The following MAP3K13 variants were observed in gnomAD, a reference collection of about 807,000 sequenced individuals.
MAP3K13 encodes mitogen-activated protein kinase kinase kinase 13, also known as leucine zipper-bearing kinase.
A neutral mutation model predicts 104.0 loss-of-function variants in MAP3K13; 52 were observed. The observed-to-expected ratio is 0.50, with a 90% CI of 0.40 to 0.63. The LOEUF is 0.63. Among genes scored for constraint, MAP3K13 ranks in the 20% least tolerant of loss-of-function variants. The probability of loss-of-function intolerance (pLI) is 0.00; values close to 1 mark genes in which losing one functional copy is unlikely to be tolerated. For synonymous variants in MAP3K13, 394 were observed against 442.2 expected (o/e 0.89, Z 1.37); for missense variants, 914 against 1,218.5 (o/e 0.75, Z 3.72).
chr3:185,454,584 T>C (rs1409701000), intron 7 of MAP3K13, among the ~76,000 whole-genome samples: 2 of 111,052 alleles, frequency 1.8e-5, no homozygotes, highest in Non-Finnish European at 3.4e-5. Context: ...GATATATATA[T>C]GATATATAGA....
chr3:185,460,279 A>G (rs1206968513), intron 7 of MAP3K13, among the ~76,000 whole-genome samples: 1 of 152,156 alleles, frequency 6.6e-6, no homozygotes, highest in African/African-American at 2.4e-5. Flanking sequence ...TGTCTCTTCT[A>G]TCTTAACTAA....
chr3:185,352,588 T>C (rs1723176363), intron 2 of MAP3K13, among the ~76,000 whole-genome samples: 1 of 152,224 alleles, frequency 6.6e-6, no homozygotes, highest in African/African-American at 2.4e-5. Context: ...CAATTTTTAT[T>C]TTCCTATTTA....
In MAP3K13 at chr3:185,473,129, A is replaced by G. The variant is rs746300308; in HGVS notation, c.1798A>G (p.Ser600Gly). ...CCGAGGGAATAGCAGAGGCAGCCAT[A>G]GTGACTTTGCCGCAATCTTGAAAAA... ...HRRGNSRGSH[S>G]DFAAILKNQP... The change falls in exon 11 of 14, where the codon AGT becomes GGT. Residue 600 changes from serine (S) to glycine (G), a missense_variant. Physicochemically the swap from Ser to Gly is moderately conservative, Grantham distance 56. Transcript: ENST00000265026. The surrounding 1 kb of genome is among the most constrained non-coding windows in gnomAD (Gnocchi z 4.9). 10 of 1,614,058 alleles carry G rather than the reference A, an allele frequency of 6.2e-6. No individual in the cohort carries two copies. Among genetic ancestry groups the G allele is most frequent in the Admixed American group, 3.3e-5 (2 of 59,996 alleles).
intron 1 of MAP3K13, among the ~76,000 whole-genome samples, chr3:185,366,550 A>G (rs1723897091): frequency 6.6e-6 from 1 of 152,214 alleles, no homozygotes; most frequent in South Asian, 2.1e-4. Context: ...TTACATTCCC[A>G]TCAGCAATGT....
intron 1 of MAP3K13, among the ~76,000 whole-genome samples, chr3:185,399,800 G>T (rs900828121): frequency 6.6e-6 from 1 of 151,868 alleles, no homozygotes; most frequent in African/African-American, 2.4e-5. Context: ...GCCTGATGGC[G>T]TATAGGAAAG....
intron 1 of MAP3K13, 105 bp downstream of exon 1, chr3:185,363,473 CG>C: frequency 5.5e-6 from 3 of 548,768 alleles, no homozygotes; most frequent in Non-Finnish European, 7.0e-6. Context: ...TTATTGAGGG[CG>C]ACACCGTGAG....
intron 1 of MAP3K13, among the ~76,000 whole-genome samples, chr3:185,374,177 A>G (rs772708585): frequency 1.7e-4 from 26 of 152,126 alleles, no homozygotes; most frequent in African/African-American, 2.4e-4. Flanking sequence ...CAGGCCATCT[A>G]GATGTATACT....
At position 185,288,496 on chromosome 3, in the gene MAP3K13, T is replaced by C. The variant is rs558252272; in HGVS notation, c.-86+2853T>C. 2.1e-5 allele frequency among the ~76,000 whole-genome samples: 3 copies of C among 139,938 alleles called. No individual in the cohort carries two copies. The South Asian group carries it at 6.9e-4, about 32-fold the overall frequency. 91.8% of individuals were successfully genotyped at this position (139,938 alleles called of 152,430 possible). A position where few individuals can be genotyped will look rare whatever the true frequency, so the allele number is the denominator to read the frequency against. The stretch of plus-strand genomic sequence containing the variant: ...TTCCAGAAATATATGTGTGTGTATA[T>C]ATATAGAGAGAGAAAAAGAGAATAT... On this transcript the variant is annotated intron_variant, in intron 2 of 14. Transcript: ENST00000424227.
At chr3:185,385,361 T>C (rs1022014062) in intron 1 of MAP3K13, among the ~76,000 whole-genome samples, 4 of 152,050 alleles carry the variant, frequency 2.6e-5, no homozygotes, top group Non-Finnish European at 5.9e-5. Context: ...TTAGTAGAGA[T>C]GGGGTTTTGC....
At chr3:185,308,996 T>C (rs2108685056) in intron 2 of MAP3K13, among the ~76,000 whole-genome samples, 1 of 152,292 alleles carries the variant, frequency 6.6e-6, no homozygotes, top group African/African-American at 2.4e-5. Flanking sequence ...GAATGAGGTC[T>C]GGGGATTCCT....
At chr3:185,373,696 C>G (rs1347643280) in intron 1 of MAP3K13, among the ~76,000 whole-genome samples, 1 of 152,052 alleles carries the variant, frequency 6.6e-6, no homozygotes, top group African/African-American at 2.4e-5. Flanking sequence ...ATAGAGTGTG[C>G]CTAAATAACA....
chr3:185,339,655 C>T (rs1173520335), intron 2 of MAP3K13, among the ~76,000 whole-genome samples: 1 of 152,198 alleles, frequency 6.6e-6, no homozygotes, highest in Non-Finnish European at 1.5e-5. Flanking sequence ...GTAGCAACTA[C>T]CTAATTCTGC....
intron 2 of MAP3K13, among the ~76,000 whole-genome samples, chr3:185,289,535 T>C (rs1429599320): frequency 6.6e-6 from 1 of 152,180 alleles, no homozygotes; most frequent in Non-Finnish European, 1.5e-5. Context: ...TCTCAGGTCC[T>C]TACTCAGTTT....
intron 2 of MAP3K13, among the ~76,000 whole-genome samples, chr3:185,433,544 T>G (rs1714864312): frequency 6.6e-6 from 1 of 152,226 alleles, no homozygotes; most frequent in Admixed American, 6.5e-5. Flanking sequence ...ATAGGGACTT[T>G]GAGACTGGTC....
At chr3:185,393,685 C>A (rs1021786006) in intron 1 of MAP3K13, among the ~76,000 whole-genome samples, 23 of 152,074 alleles carry the variant, frequency 1.5e-4, no homozygotes, top group Non-Finnish European at 2.2e-4. Flanking sequence ...GTCTTGATCT[C>A]TTGACCTCGT....
At chr3:185,338,991 G>A (rs979815744) in intron 2 of MAP3K13, among the ~76,000 whole-genome samples, 1 of 152,166 alleles carries the variant, frequency 6.6e-6, no homozygotes, top group Non-Finnish European at 1.5e-5. Context: ...TGTGGTATAT[G>A]AGGTATAATA....
chr3:185,334,058 A>G (rs573014197), intron 2 of MAP3K13, among the ~76,000 whole-genome samples: 69 of 152,330 alleles, frequency 4.5e-4, no homozygotes, highest in Non-Finnish European at 1.0e-4. Flanking sequence ...TGTCTCAAAA[A>G]GAAAGAAAGA....
At chr3:185,372,838 A>G (rs975315414) in intron 1 of MAP3K13, among the ~76,000 whole-genome samples, 23 of 152,230 alleles carry the variant, frequency 1.5e-4, no homozygotes, top group African/African-American at 5.1e-4. Flanking sequence ...CCTTATTATT[A>G]ATGCAGAGCA....
rs1473879835 is a variant in MAP3K13, at chr3:185,455,532, A to ACATATATATCATATATAT, written c.1278+4137_1278+4138insCATATATATCATATATAT. On this transcript the variant is annotated intron_variant, in intron 7 of 13. Coordinates refer to ENST00000265026, the MANE Select transcript of MAP3K13 (RefSeq NM_004721.5). ...ATATGAGATATATATGATATATATG[A>ACATATATATCATATATAT]GATATATATGACATATATATGATAT... Among the ~76,000 whole-genome samples, 27 of 31,030 alleles carry ACATATATATCATATATAT rather than the reference A, an allele frequency of 8.7e-4. 3 individuals are homozygous for ACATATATATCATATATAT. The highest frequency in any genetic ancestry group is 4.2e-3 in the South Asian group (4 of 954). The allele number at this position is 31,030 out of a possible 152,430, so 20.4% of individuals were successfully genotyped here.
Sources: gnomAD v4.1 joint callset for allele counts (sites outside exome capture counted in the v4.1 genomes callset) on GRCh38, gnomAD v4.1.1 for gene constraint, Gnocchi (gnomAD v3.1) non-coding constraint, MANE v1.5 for transcripts, NCBI Gene and HGNC (gene_info 2026-07-23, HGNC 2026-07-21) for gene names.